Variants in ZNF516 observed in about 807,000 individuals in gnomAD.
ZNF516 encodes the protein zinc finger protein 516.
A neutral mutation model predicts 79.7 loss-of-function variants in ZNF516; 19 were observed. That is an observed-to-expected ratio of 0.24 (90% CI 0.17 to 0.35). ZNF516 has a LOEUF of 0.35. Ranked by LOEUF, ZNF516 falls within the 10% of genes least tolerant of loss-of-function variation. The pLI, the probability that ZNF516 is intolerant of heterozygous loss-of-function variation, is 1.00. For missense variants in ZNF516, 1,678 were observed against 1,679.5 expected (o/e 1.00, Z 0.02); for synonymous variants, 877 against 739.5 (o/e 1.19, Z -3.02).
chr18:76,419,630 TAA>T (rs1443593592), intron 3 of ZNF516, among the ~76,000 whole-genome samples: 1 of 152,180 alleles, frequency 6.6e-6, no homozygotes, highest in African/African-American at 2.4e-5. Flanking sequence ...TGACAGCGAA[TAA>T]GTCTCACAAG....
chr18:76,456,009 TCAAA>T (rs1175410635), intron 2 of ZNF516, among the ~76,000 whole-genome samples: 6 of 152,294 alleles, frequency 3.9e-5, no homozygotes, highest in South Asian at 2.1e-4. Flanking sequence ...CTCGGCATCC[TCAAA>T]CAGTCAGGTA....
intron 1 of ZNF516, among the ~76,000 whole-genome samples, chr18:76,485,041 T>C (rs1386415764): frequency 1.3e-5 from 1 of 79,638 alleles, no homozygotes; most frequent in African/African-American, 3.3e-5. Flanking sequence ...TTCACTTATT[T>C]ATTAACACTT....
At chr18:76,479,858 C>T (rs1009567465) in intron 1 of ZNF516, among the ~76,000 whole-genome samples, 2 of 152,226 alleles carry the variant, frequency 1.3e-5, no homozygotes, top group African/African-American at 4.8e-5. Context: ...CACTGTGGCA[C>T]TTGGGACAGG....
chr18:76,460,897 A>G (rs1486956266), intron 2 of ZNF516, among the ~76,000 whole-genome samples: 1 of 152,170 alleles, frequency 6.6e-6, no homozygotes, highest in Non-Finnish European at 1.5e-5. Context: ...TTTAAACAAC[A>G]TACTGCCCGC....
intron 2 of ZNF516, among the ~76,000 whole-genome samples, chr18:76,448,673 G>A (rs1380334812): frequency 6.6e-6 from 1 of 152,184 alleles, no homozygotes; most frequent in South Asian, 2.1e-4. Context: ...GCTCCTTAGA[G>A]GTGTTCCAGT....
At chr18:76,386,380 G>A (rs1271801361) in intron 3 of ZNF516, 2 of 152,170 alleles carry the variant, frequency 1.3e-5, no homozygotes, top group Admixed American at 6.5e-5. Flanking sequence ...GAATGAACAG[G>A]TAATTGCAAG....
chr18:76,425,735 A>AT (rs2075584533), intron 3 of ZNF516, among the ~76,000 whole-genome samples: 1 of 152,122 alleles, frequency 6.6e-6, no homozygotes, highest in Admixed American at 6.5e-5. Context: ...CTTGTCCTGC[A>AT]TTTTTCAGGG....
At chr18:76,429,628 C>T (rs2145442546) in intron 3 of ZNF516, among the ~76,000 whole-genome samples, 2 of 152,316 alleles carry the variant, frequency 1.3e-5, no homozygotes, top group South Asian at 4.1e-4. Context: ...ATTCCAGACA[C>T]GCCCTGCTGG....
intron 1 of ZNF516, among the ~76,000 whole-genome samples, chr18:76,473,903 T>TG (rs556393743): frequency 1.0e-3 from 54 of 54,184 alleles, no homozygotes; most frequent in African/African-American, 3.1e-3. Flanking sequence ...TGTTTTTGTG[T>TG]GGGGGGGGGG....
chr18:76,412,331 G>C (rs900182742), intron 3 of ZNF516, among the ~76,000 whole-genome samples: 6 of 152,130 alleles, frequency 3.9e-5, no homozygotes, highest in Admixed American at 3.3e-4. Context: ...CAAAGGGACG[G>C]CCTGAAACAG....
chr18:76,450,066 A>G (rs1241082853), intron 2 of ZNF516, among the ~76,000 whole-genome samples: 1 of 151,132 alleles, frequency 6.6e-6, no homozygotes, highest in Non-Finnish European at 1.5e-5. Flanking sequence ...AATATAGGAG[A>G]GTGGTCTTAT....
At chr18:76,422,091 C>A (rs978104896) in intron 3 of ZNF516, among the ~76,000 whole-genome samples, 1 of 152,210 alleles carries the variant, frequency 6.6e-6, no homozygotes, top group Non-Finnish European at 1.5e-5. Context: ...AAAATTCAGC[C>A]AGGGTATCTA....
In ZNF516 at chr18:76,493,286, G is replaced by A; in HGVS notation, c.-272+1858C>T. 1.7e-6 allele frequency: 1 copy of A among 571,904 alleles called. No homozygotes were observed. The highest frequency in any genetic ancestry group is 2.2e-6 in the Non-Finnish European group (1 of 458,290). The allele number at this position is 571,904 out of a possible 1,614,324, so 35.4% of individuals were successfully genotyped here. On this transcript the variant is annotated intron_variant, in intron 1 of 6. Transcript: ENST00000443185. The surrounding 1 kb of genome is among the most constrained non-coding windows in gnomAD (Gnocchi z 5.2). ...GAAATTCACGAAGGGAGTGGAGGCG[G>A]AAAGGGAGCTCCGAGAAAGAAGGAG... is the stretch of plus-strand genomic sequence containing the variant.
chr18:76,425,345 C>T (rs1376642547), intron 3 of ZNF516, among the ~76,000 whole-genome samples: 2 of 152,168 alleles, frequency 1.3e-5, no homozygotes, highest in Non-Finnish European at 2.9e-5. Flanking sequence ...TGATTGGCCA[C>T]GGATTTTTTC....
At chr18:76,482,084 T>A (rs1249846579) in intron 1 of ZNF516, among the ~76,000 whole-genome samples, 1 of 152,190 alleles carries the variant, frequency 6.6e-6, no homozygotes, top group Non-Finnish European at 1.5e-5. Context: ...CGTTTAGAAG[T>A]TGACTTTAGC....
intron 2 of ZNF516, among the ~76,000 whole-genome samples, chr18:76,458,120 G>A (rs1460837370): frequency 6.6e-6 from 1 of 152,190 alleles, no homozygotes; most frequent in East Asian, 1.9e-4. Flanking sequence ...TAGCTAATAA[G>A]TGCCACGGTA....
intron 1 of ZNF516, among the ~76,000 whole-genome samples, chr18:76,491,247 C>G (rs1237444483): frequency 6.9e-6 from 1 of 145,032 alleles, no homozygotes; most frequent in Non-Finnish European, 1.5e-5. Context: ...CGCGCAGACC[C>G]CAGTTCCGGA....
chr18:76,419,443 G>A (rs1433748988), intron 3 of ZNF516, among the ~76,000 whole-genome samples: 1 of 152,136 alleles, frequency 6.6e-6, no homozygotes, highest in Non-Finnish European at 1.5e-5. Context: ...TTTCTACAAC[G>A]ATTAAATTGC....
In ZNF516 at chr18:76,397,442, A is replaced by G. The variant is rs2075162702; in HGVS notation, c.1811-17139T>C. Among the ~76,000 whole-genome samples the G allele has an allele frequency of 2.0e-5, 3 of 152,218 alleles. No individual in the cohort carries two copies. In the South Asian group the frequency reaches 6.2e-4, roughly 32 times the overall value. ...AACATGGAACTGAATGGTATTATAA[A>G]ATTTTGATAAATTATACCCCAAGAT... On this transcript the variant is annotated intron_variant, in intron 3 of 6. Transcript: ENST00000443185.
Sources: gnomAD v4.1 joint callset for allele counts (sites outside exome capture counted in the v4.1 genomes callset) on GRCh38, gnomAD v4.1.1 for gene constraint, Gnocchi (gnomAD v3.1) non-coding constraint, MANE v1.5 for transcripts, NCBI Gene and HGNC (gene_info 2026-07-23, HGNC 2026-07-21) for gene names.